The following EPN3 variants were observed in gnomAD, a reference collection of about 807,000 sequenced individuals.
EPN3 encodes the protein epsin-3.
EPN3 carries 56 observed loss-of-function variants against 55.5 expected under a neutral mutation model. The ratio of observed to expected loss-of-function variants is 1.01; its 90% CI spans 0.81 to 1.26. EPN3 has a LOEUF of 1.26. Ranked by LOEUF, EPN3 falls within the 50% of genes most tolerant of loss-of-function variation. EPN3 has a pLI of 0.00. For synonymous variants in EPN3, 449 were observed against 375.2 expected (o/e 1.20, Z -2.27); for missense variants, 927 against 853.4 (o/e 1.09, Z -1.07).
In EPN3 at chr17:50,537,293, G is replaced by A; in HGVS notation, c.562+175G>A. ...CCGGCACATAGGAGGTGCTCAACAA[G>A]TTAGCTCAGATAATAACGTTGTTAT... On this transcript the variant is annotated intron_variant, in intron 2 of 9. Coordinates refer to ENST00000268933, the MANE Select transcript of EPN3 (RefSeq NM_017957.3). 4 of 651,582 alleles carry A rather than the reference G, an allele frequency of 6.1e-6. No individual in the cohort carries two copies. The South Asian group carries it at 8.1e-5, about 13-fold the overall frequency. The allele number at this position is 651,582 out of a possible 1,614,324, so 40.4% of individuals were successfully genotyped here. A position where few individuals can be genotyped will look rare whatever the true frequency, so the allele number is the denominator to read the frequency against.
Position 50,538,882 on chromosome 17 carries a change from A to G in EPN3, c.682-2A>G, listed in dbSNP as rs867695869. The G allele has an allele frequency of 3.8e-6, 6 of 1,598,010 alleles. No individual in the cohort carries two copies. The Middle Eastern group carries it at 8.5e-4, about 227-fold the overall frequency. On this transcript the variant is annotated splice_acceptor_variant, in intron 3 of 9. Transcript: ENST00000268933. LOFTEE classifies it high-confidence loss of function. Reference sequence around the variant, plus strand: ...CAAGTTTACCCCTCTCTTCCTCCGCAGCCTGTCCCCCCAGCCTCCCACAGG... The same window carrying G: ...CAAGTTTACCCCTCTCTTCCTCCGCGGCCTGTCCCCCCAGCCTCCCACAGG...
Position 50,536,636 on chromosome 17 carries a change from C to T in EPN3, c.80C>T (p.Ala27Val), listed in dbSNP as rs754670852. The T allele has an allele frequency of 1.2e-5, 19 of 1,613,720 alleles. No homozygotes were observed. The highest frequency in any genetic ancestry group is 1.6e-5 in the Non-Finnish European group (19 of 1,179,936). The change falls in exon 2 of 10, where the codon GCC (alanine) becomes GTC (valine). Residue 27 changes from alanine to valine, a missense_variant. Transcript: ENST00000268933. Reference sequence around the variant, plus strand: ...GAGGCAGAAATCAAGGTGCGCGAGGCCACCAGCAATGACCCCTGGGGCCCC... The same window carrying T: ...GAGGCAGAAATCAAGGTGCGCGAGGTCACCAGCAATGACCCCTGGGGCCCC... ...YSEAEIKVRE[A>V]TSNDPWGPPS...
intron 2 of EPN3, 123 bp downstream of exon 2, chr17:50,537,241 A>G: frequency 9.3e-7 from 1 of 1,070,182 alleles, no homozygotes; most frequent in South Asian, 1.7e-5. Flanking sequence ...TTCAGACATA[A>G]GGAATGTAAC....
rs150974156 is a variant in EPN3 at position 50,536,827 on chromosome 17, C to T, written c.271C>T (p.Arg91Trp). Residue 91 changes from arginine to tryptophan, a missense_variant, in exon 2 of 10, where the codon CGG becomes TGG. Arg to Trp is a moderately radical substitution (Grantham distance 101, BLOSUM62 -3). Coordinates refer to ENST00000268933, the MANE Select transcript of EPN3 (RefSeq NM_017957.3). Reference protein sequence around the residue: ...LDYLLKTGSERVAHQCRENLY... With the variant: ...LDYLLKTGSEWVAHQCRENLY... ...CTACCTGCTCAAGACGGGCTCCGAG[C>T]GGGTGGCCCACCAGTGCCGCGAGAA... The T allele has an allele frequency of 1.5e-3, 2,401 of 1,614,082 alleles. 5 individuals are homozygous for T. Among genetic ancestry groups the T allele is most frequent in the Non-Finnish European group, 1.9e-3 (2,229 of 1,180,026 alleles).
At chr17:50,538,997 T>C in intron 4 of EPN3, 33 bp downstream of exon 4, 1 of 1,566,020 alleles carries the variant, frequency 6.4e-7, no homozygotes, top group East Asian at 2.3e-5. Context: ...CTGCCGGTGC[T>C]GCTGCTGCTG....
chr17:50,532,789 C>T lies in EPN3; in HGVS notation c.-333C>T, dbSNP rs1286204623. On this transcript the variant is annotated 5_prime_UTR_variant, in exon 1 of 10. Transcript: ENST00000268933. ...AAACGCACGCGGGAAGAGCTGCTAC[C>T]CATTCCAGGGACCCTGCCGCTGCCC... 4 of 878,640 alleles carry T rather than the reference C, an allele frequency of 4.6e-6. No individual in the cohort carries two copies. Among genetic ancestry groups the T allele is most frequent in the Admixed American group, 3.2e-5 (1 of 30,818 alleles). The allele number at this position is 878,640 out of a possible 1,614,324, so 54.4% of individuals were successfully genotyped here. A position where few individuals can be genotyped will look rare whatever the true frequency, so the allele number is the denominator to read the frequency against.
chr17:50,539,718 C>T (rs1053574745), intron 5 of EPN3, among the ~76,000 whole-genome samples: 5 of 152,198 alleles, frequency 3.3e-5, no homozygotes, highest in South Asian at 4.1e-4. Flanking sequence ...GAAAACACCT[C>T]GGGCTCATGG....
At chr17:50,541,773 T>C in intron 9 of EPN3, 71 bp from the exon 10 acceptor site, 1 of 1,608,372 alleles carries the variant, frequency 6.2e-7, no homozygotes, top group Non-Finnish European at 8.5e-7. Flanking sequence ...CCACTCTTCT[T>C]CCCAACTTCC....
intron 9 of EPN3, 29 bp from the exon 10 acceptor site, chr17:50,541,815 G>A: frequency 1.2e-6 from 2 of 1,610,614 alleles, no homozygotes; most frequent in Non-Finnish European, 1.7e-6. Flanking sequence ...CTGAACCCCG[G>A]GTCACTCAAA....
In EPN3 at chr17:50,532,898, G is replaced by A; in HGVS notation, c.-224G>A. On this transcript the variant is annotated 5_prime_UTR_variant, in exon 1 of 10. Coordinates refer to ENST00000268933, the MANE Select transcript of EPN3 (RefSeq NM_017957.3). ...GGATGGCTCTGGAGACGCTCCCGAG[G>A]CTGTGCCGTCCCGCTGCTGCACAGG... The A allele has an allele frequency of 2.3e-6, 3 of 1,286,110 alleles. No individual in the cohort carries two copies. In the South Asian group the frequency reaches 3.7e-5, roughly 16 times the overall value. 79.7% of individuals were successfully genotyped at this position (1,286,110 alleles called of 1,614,324 possible). A position where few individuals can be genotyped will look rare whatever the true frequency, so the allele number is the denominator to read the frequency against.
rs1176201559 is a variant in EPN3, at chr17:50,542,573, G to C, written c.*416G>C. 5.1e-6 allele frequency: 1 copy of C among 197,982 alleles called. No individual in the cohort carries two copies. Among genetic ancestry groups the C allele is most frequent in the Non-Finnish European group, 1.0e-5 (1 of 99,742 alleles). 12.3% of individuals were successfully genotyped at this position (197,982 alleles called of 1,614,324 possible). ...ATGCTGCCAGGCTGTCACTCAATTC[G>C]GTCATTTCATTCATTTATCACACAT... On this transcript the variant is annotated 3_prime_UTR_variant, in exon 10 of 10. Transcript: ENST00000268933.
At chr17:50,540,195 T>G (rs778597850) in intron 5 of EPN3, 52 bp from the exon 6 acceptor site, 39 of 1,457,740 alleles carry the variant, frequency 2.7e-5, no homozygotes, top group Non-Finnish European at 3.5e-5. Flanking sequence ...GGGCCTGCCC[T>G]CCCTCCAGGC....
rs368442489 is a variant in EPN3 at position 50,534,499 on chromosome 17, A to G, written c.-137+1514A>G. 4 of 985,264 alleles carry G rather than the reference A, an allele frequency of 4.1e-6. No homozygotes were observed. The East Asian group carries it at 3.4e-4, about 84-fold the overall frequency. 61.0% of individuals were successfully genotyped at this position (985,264 alleles called of 1,614,324 possible). A position where few individuals can be genotyped will look rare whatever the true frequency, so the allele number is the denominator to read the frequency against. ...CGGGCTTTGGTGCACATTATTTCCC[A>G]TCTTGACTCTGCCACCCCCAGCCAC... On this transcript the variant is annotated intron_variant, in intron 1 of 9. Transcript: ENST00000268933.
chr17:50,538,253 G>T, intron 3 of EPN3, 56 bp downstream of exon 3: 1 of 1,425,946 alleles, frequency 7.0e-7, no homozygotes. Context: ...GGGAGAGAGT[G>T]CCTGGGAGCC....
intron 1 of EPN3, among the ~76,000 whole-genome samples, chr17:50,535,338 G>A (rs2034744070): frequency 6.6e-6 from 1 of 152,216 alleles, no homozygotes; most frequent in Non-Finnish European, 1.5e-5. Context: ...CTGGATGGTA[G>A]TCCAGGCTCT....
chr17:50,540,057 T>C, intron 5 of EPN3, 190 bp from the exon 6 acceptor site: 1 of 471,978 alleles, frequency 2.1e-6, no homozygotes, highest in Non-Finnish European at 3.8e-6. Flanking sequence ...AGGGTTGTTA[T>C]GAAAATCAGG....
At chr17:50,533,440 G>T (rs1032585608) in intron 1 of EPN3, among the ~76,000 whole-genome samples, 2 of 152,168 alleles carry the variant, frequency 1.3e-5, no homozygotes, top group African/African-American at 4.8e-5. Context: ...CCACTGCTCA[G>T]GCTGGATCTG....
At chr17:50,540,468 G>A (rs2306002) in intron 6 of EPN3, 134 bp downstream of exon 6, 443,707 of 806,988 alleles carry the variant, frequency 0.55, 129,288 homozygotes, top group African/African-American at 0.79. Flanking sequence ...TTGAGCCTCC[G>A]CCGCCTGTGG....
At position 50,541,557 on chromosome 17, in the gene EPN3, T is replaced by C; in HGVS notation, c.1448T>C (p.Leu483Pro). The change falls in exon 9 of 10, where the codon CTA (leucine) becomes CCA (proline). Residue 483 changes from leucine to proline, a missense_variant. By Grantham distance (98) the Leu-to-Pro change is moderately conservative. Coordinates refer to ENST00000268933, the MANE Select transcript of EPN3 (RefSeq NM_017957.3). ...GACCTGGGCATACTAGGGGAAGCAC[T>C]AACCCAGCCAAGCAAAGAGGCCCGA... ...ALDLGILGEA[L>P]TQPSKEARAC... The C allele has an allele frequency of 6.2e-7, 1 of 1,614,142 alleles. No individual in the cohort carries two copies. Among genetic ancestry groups the C allele is most frequent in the East Asian group, 2.2e-5 (1 of 44,876 alleles).
Sources: gnomAD v4.1 joint callset for allele counts (sites outside exome capture counted in the v4.1 genomes callset) on GRCh38, gnomAD v4.1.1 for gene constraint, MANE v1.5 for transcripts, NCBI Gene and HGNC (gene_info 2026-07-23, HGNC 2026-07-21) for gene names.